The following CPQ variants were observed in gnomAD, a reference collection of about 807,000 sequenced individuals.
CPQ encodes the protein carboxypeptidase Q, also known as Ser-Met dipeptidase.
CPQ carries 37 observed loss-of-function variants against 45.7 expected under a neutral mutation model. That is an observed-to-expected ratio of 0.81 (90% CI 0.62 to 1.07). The LOEUF is 1.07. Ranked by LOEUF, CPQ falls within the 50% of genes least tolerant of loss-of-function variation. The pLI, the probability that CPQ is intolerant of heterozygous loss-of-function variation, is 0.00. For synonymous variants in CPQ, 186 were observed against 205.8 expected (o/e 0.90, Z 0.82); for missense variants, 537 against 572.9 (o/e 0.94, Z 0.64).
In CPQ at chr8:96,695,884, G is replaced by A. The variant is rs1030203993; in HGVS notation, c.-35+50482G>A. Among the ~76,000 whole-genome samples the A allele has an allele frequency of 2.3e-4, 35 of 150,012 alleles. 1 individual carries two copies. Among genetic ancestry groups the A allele is most frequent in the African/African-American group, 8.0e-4 (32 of 39,794 alleles). On this transcript the variant is annotated intron_variant, in intron 1 of 7. Transcript: ENST00000220763. Reference sequence around the variant, plus strand: ...CAACCATTGTGGAAGTCAGTGTGGCGATTCCTCAGGGATCTAGAACTAGAA... The same window carrying A: ...CAACCATTGTGGAAGTCAGTGTGGCAATTCCTCAGGGATCTAGAACTAGAA...
At chr8:96,973,096 C>A (rs1425630493) in intron 5 of CPQ, among the ~76,000 whole-genome samples, 2 of 151,784 alleles carry the variant, frequency 1.3e-5, no homozygotes, top group Non-Finnish European at 2.9e-5. Context: ...CAAGGAGGCA[C>A]CAGAGAAAGG....
intron 4 of CPQ, among the ~76,000 whole-genome samples, chr8:96,956,218 T>G (rs939142716): frequency 6.6e-6 from 1 of 152,216 alleles, no homozygotes; most frequent in Non-Finnish European, 1.5e-5. Context: ...AGCTAATTTT[T>G]ATTTGTTCTC....
At chr8:96,920,377 C>T (rs982332411) in intron 4 of CPQ, among the ~76,000 whole-genome samples, 2 of 152,100 alleles carry the variant, frequency 1.3e-5, no homozygotes, top group South Asian at 4.1e-4. Flanking sequence ...GTTAATGTTG[C>T]GAGGCCATTG....
intron 1 of CPQ, among the ~76,000 whole-genome samples, chr8:96,769,022 A>G (rs1233856067): frequency 1.3e-5 from 2 of 152,180 alleles, no homozygotes; most frequent in African/African-American, 2.4e-5. Context: ...TTAAATCTAT[A>G]TATCTCCAAC....
At chr8:96,893,211 C>G (rs904471540) in intron 4 of CPQ, among the ~76,000 whole-genome samples, 1 of 152,140 alleles carries the variant, frequency 6.6e-6, no homozygotes. Flanking sequence ...CCTTTTTATT[C>G]TAGTTTGTGA....
intron 6 of CPQ, among the ~76,000 whole-genome samples, chr8:97,058,301 G>C (rs1810487613): frequency 6.6e-6 from 1 of 151,990 alleles, no homozygotes; most frequent in Non-Finnish European, 1.5e-5. Context: ...GTCTACTTAT[G>C]GGTAGATGAA....
At chr8:96,844,338 TC>T (rs1811656537) in intron 3 of CPQ, among the ~76,000 whole-genome samples, 1 of 152,208 alleles carries the variant, frequency 6.6e-6, no homozygotes, top group South Asian at 2.1e-4. Context: ...TCCTCTTGCA[TC>T]CATCCAAATG....
intron 1 of CPQ, among the ~76,000 whole-genome samples, chr8:96,737,364 A>C (rs1810000061): frequency 6.9e-6 from 1 of 145,844 alleles, no homozygotes. Flanking sequence ...AGATATATAT[A>C]TATATGAGTT....
rs370549688 is a variant in CPQ, at chr8:96,952,466, T to C, written c.850-13469T>C. 1.4e-4 allele frequency among the ~76,000 whole-genome samples: 22 copies of C among 152,278 alleles called. No individual in the cohort carries two copies. In the East Asian group the frequency reaches 2.1e-3, roughly 15 times the overall value. ...TGCAATTAAAAAGATTGAGTAAATC[T>C]TGGGAGCTGTCAAGAAGGTTCTTAC... is the stretch of plus-strand genomic sequence containing the variant. On this transcript the variant is annotated intron_variant, in intron 4 of 7. Coordinates refer to ENST00000220763, the MANE Select transcript of CPQ (RefSeq NM_016134.4).
intron 2 of CPQ, among the ~76,000 whole-genome samples, chr8:96,797,910 G>A (rs1347693248): frequency 6.6e-6 from 1 of 151,962 alleles, no homozygotes; most frequent in Non-Finnish European, 1.5e-5. Flanking sequence ...AATTAGCCAG[G>A]CGTTGTGGCA....
chr8:96,650,548 A>G (rs545674102), intron 1 of CPQ, among the ~76,000 whole-genome samples: 1 of 152,348 alleles, frequency 6.6e-6, no homozygotes, highest in African/African-American at 2.4e-5. Context: ...CTCAGATCCC[A>G]TGGCTGGCAG....
At chr8:96,739,978 G>T (rs1810058876) in intron 1 of CPQ, among the ~76,000 whole-genome samples, 1 of 152,132 alleles carries the variant, frequency 6.6e-6, no homozygotes, top group African/African-American at 2.4e-5. Context: ...CTTTAAAGTA[G>T]TTTTTTCCAA....
intron 1 of CPQ, among the ~76,000 whole-genome samples, chr8:96,721,556 A>T (rs1809763905): frequency 6.6e-6 from 1 of 152,056 alleles, no homozygotes. Context: ...ATTCTATCAG[A>T]ATTAGGACAA....
At chr8:96,758,860 G>A (rs1810360989) in intron 1 of CPQ, among the ~76,000 whole-genome samples, 1 of 152,018 alleles carries the variant, frequency 6.6e-6, no homozygotes, top group South Asian at 2.1e-4. Flanking sequence ...TCCAGATTGT[G>A]AGCCAATTTC....
intron 7 of CPQ, among the ~76,000 whole-genome samples, chr8:97,081,278 C>G (rs960941866): frequency 1.3e-5 from 2 of 152,098 alleles, no homozygotes; most frequent in Non-Finnish European, 2.9e-5. Flanking sequence ...AGACTCACTA[C>G]TCCTCACACA....
chr8:96,964,173 T>TACAC (rs71267285), intron 4 of CPQ, among the ~76,000 whole-genome samples: 2,864 of 133,414 alleles, frequency 0.021, 103 homozygotes, highest in African/African-American at 0.07. Flanking sequence ...GGTTAAAGTA[T>TACAC]ACACACACAC....
chr8:96,910,281 A>G (rs1812640796), intron 4 of CPQ, among the ~76,000 whole-genome samples: 1 of 152,162 alleles, frequency 6.6e-6, no homozygotes, highest in Non-Finnish European at 1.5e-5. Context: ...CCTGAAGTAG[A>G]AGTAGTTTTA....
intron 7 of CPQ, 138 bp downstream of exon 7, chr8:97,066,348 C>A: frequency 1.4e-6 from 1 of 722,336 alleles, no homozygotes; most frequent in Non-Finnish European, 2.2e-6. Flanking sequence ...AAGGTATAAT[C>A]TGATGATTTC....
At chr8:96,808,184 A>G (rs1811110296) in intron 2 of CPQ, among the ~76,000 whole-genome samples, 2 of 152,228 alleles carry the variant, frequency 1.3e-5, no homozygotes, top group African/African-American at 2.4e-5. Context: ...GAAGTTTGAT[A>G]GGATTGTGAC....
Sources: allele counts gnomAD v4.1 joint callset (sites outside exome capture counted in the v4.1 genomes callset), GRCh38; gene constraint gnomAD v4.1.1; transcripts MANE v1.5; gene names NCBI Gene and HGNC (gene_info 2026-07-23, HGNC 2026-07-21).